EXOC6: variants seen among roughly 807,000 people sequenced by gnomAD.
The protein encoded by EXOC6 is exocyst complex component 6.
EXOC6 carries 60 observed loss-of-function variants against 112.5 expected under a neutral mutation model. The observed-to-expected ratio is 0.53, with a 90% CI of 0.43 to 0.66. The LOEUF (loss-of-function observed/expected upper bound fraction) is 0.66. Ranked by LOEUF, EXOC6 falls within the 30% of genes least tolerant of loss-of-function variation. EXOC6 has a pLI of 0.00. For missense variants in EXOC6, 855 were observed against 957.1 expected (o/e 0.89, Z 1.41); for synonymous variants, 295 against 308.0 (o/e 0.96, Z 0.44).
At chr10:92,959,182 C>T (rs1023101962) in intron 17 of EXOC6, among the ~76,000 whole-genome samples, 5 of 152,064 alleles carry the variant, frequency 3.3e-5, no homozygotes, top group African/African-American at 1.2e-4. Context: ...AGATTAAAGA[C>T]CCCAGAAATA....
At chr10:92,852,935 A>T (rs894784155) in intron 1 of EXOC6, among the ~76,000 whole-genome samples, 8 of 151,386 alleles carry the variant, frequency 5.3e-5, no homozygotes, top group African/African-American at 9.7e-5. Flanking sequence ...AAGACCATTT[A>T]AAAAAAAAGC....
chr10:92,891,947 G>A lies in EXOC6; in HGVS notation c.102-1402G>A, dbSNP rs184915840. On this transcript the variant is annotated intron_variant, in intron 1 of 21. Coordinates refer to ENST00000260762, the MANE Select transcript of EXOC6 (RefSeq NM_019053.6). ...CAAAACATGTAAATTACAATACAAA[G>A]TAATATATGATTACGTGTCAGAATA... 3.9e-5 allele frequency among the ~76,000 whole-genome samples: 6 copies of A among 152,228 alleles called. No homozygotes were observed. The East Asian group carries it at 1.2e-3, about 29-fold the overall frequency.
chr10:93,017,760 C>G (rs1305840426), intron 20 of EXOC6, among the ~76,000 whole-genome samples: 2 of 151,888 alleles, frequency 1.3e-5, no homozygotes, highest in African/African-American at 4.8e-5. Flanking sequence ...GCCTGTAATC[C>G]CAGCACTTTG....
intron 20 of EXOC6, among the ~76,000 whole-genome samples, chr10:93,050,670 G>A (rs1846236022): frequency 6.8e-6 from 1 of 146,942 alleles, no homozygotes; most frequent in Non-Finnish European, 1.5e-5. Flanking sequence ...TGAGGCAGGA[G>A]AACTGCTTGA....
At chr10:92,839,675 G>A (rs985697396) in intron 1 of EXOC6, among the ~76,000 whole-genome samples, 2 of 152,184 alleles carry the variant, frequency 1.3e-5, no homozygotes, top group Non-Finnish European at 2.9e-5. Flanking sequence ...TTGGGGTCCT[G>A]CAGGTGTGTT....
chr10:93,010,700 T>TAAA lies in EXOC6; in HGVS notation c.2096-3477_2096-3475dup, dbSNP rs538429286. Among the ~76,000 whole-genome samples the TAAA allele has an allele frequency of 1.2e-3, 155 of 131,694 alleles. 3 individuals are homozygous for TAAA. Among genetic ancestry groups the TAAA allele is most frequent in the East Asian group, 2.5e-3 (11 of 4,406 alleles). 86.4% of individuals were successfully genotyped at this position (131,694 alleles called of 152,430 possible). On this transcript the variant is annotated intron_variant, in intron 19 of 21. Transcript: ENST00000260762. ...GATGACAAAGCAAGACTCCATCTCTTAAAAAAAAAAAAAAAAAAATGGACT... is the reference window on the plus strand; with the variant it reads ...GATGACAAAGCAAGACTCCATCTCTTAAAAAAAAAAAAAAAAAAAAAATGGACT...
Position 92,928,327 on chromosome 10 carries a change from ATTT to A in EXOC6, c.889-10_889-8del, listed in dbSNP as rs756701608. The A allele has an allele frequency of 1.1e-5, 18 of 1,567,864 alleles. No individual in the cohort carries two copies. Among genetic ancestry groups the A allele is most frequent in the Non-Finnish European group, 1.5e-5 (17 of 1,140,950 alleles). On this transcript the variant is annotated splice_polypyrimidine_tract_variant and intron_variant, in intron 8 of 21. Coordinates refer to ENST00000260762, the MANE Select transcript of EXOC6 (RefSeq NM_019053.6). ...ATGTGTATTTTTCATTACTCTGCTG[ATTT>A]TATTTTAGGGTGACGAGGAAACATT...
chr10:92,982,205 G>GT (rs1288421617), intron 18 of EXOC6, among the ~76,000 whole-genome samples: 1 of 152,042 alleles, frequency 6.6e-6, no homozygotes, highest in Non-Finnish European at 1.5e-5. Context: ...GTAATTTGGG[G>GT]TATTTTTCAA....
intron 4 of EXOC6, among the ~76,000 whole-genome samples, chr10:92,898,194 G>A (rs1291619848): frequency 6.6e-6 from 1 of 151,798 alleles, no homozygotes; most frequent in Non-Finnish European, 1.5e-5. Flanking sequence ...TGAGGTGGGA[G>A]GATCATTTGA....
chr10:93,027,451 G>GGT (rs1845079996), intron 20 of EXOC6, among the ~76,000 whole-genome samples: 2 of 123,874 alleles, frequency 1.6e-5, no homozygotes. Context: ...ATTGGAAAAA[G>GGT]GTATCAACTA....
intron 1 of EXOC6, among the ~76,000 whole-genome samples, chr10:92,860,740 G>C (rs1472770309): frequency 6.6e-6 from 1 of 152,122 alleles, no homozygotes; most frequent in South Asian, 2.1e-4. Context: ...ATTTCACTAA[G>C]CATAATGTCC....
In EXOC6 at chr10:92,894,927, A is replaced by G; in HGVS notation, c.322-3A>G. The G allele has an allele frequency of 6.2e-7, 1 of 1,608,556 alleles. No homozygotes were observed. Among genetic ancestry groups the G allele is most frequent in the Non-Finnish European group, 8.5e-7 (1 of 1,175,124 alleles). ...AAAATATGAACATTCCTTCTTTTCT[A>G]AGGTGATAGTCCACACAGAAGATAT... On this transcript the variant is annotated splice_region_variant and splice_polypyrimidine_tract_variant and intron_variant, in intron 3 of 21. Coordinates refer to ENST00000260762, the MANE Select transcript of EXOC6 (RefSeq NM_019053.6).
At chr10:92,833,911 C>CT (rs1846577414), upstream of EXOC6, among the ~76,000 whole-genome samples, 1 of 151,912 alleles carries the variant, frequency 6.6e-6, no homozygotes, top group Non-Finnish European at 1.5e-5. Flanking sequence ...TTCATGCACT[C>CT]TTTCTTCCTC....
chr10:92,865,499 T>C (rs1298567862), intron 1 of EXOC6, among the ~76,000 whole-genome samples: 2 of 150,998 alleles, frequency 1.3e-5, no homozygotes, highest in African/African-American at 4.8e-5. Flanking sequence ...ATTGCGCCAC[T>C]GCACTCCAGC....
intron 20 of EXOC6, among the ~76,000 whole-genome samples, chr10:93,022,284 T>C (rs1317939953): frequency 1.3e-5 from 2 of 152,156 alleles, no homozygotes; most frequent in Non-Finnish European, 2.9e-5. Flanking sequence ...TTATGAAACA[T>C]GTAGAATTGT....
At chr10:92,860,619 C>T (rs1847868896) in intron 1 of EXOC6, among the ~76,000 whole-genome samples, 1 of 152,134 alleles carries the variant, frequency 6.6e-6, no homozygotes, top group East Asian at 1.9e-4. Flanking sequence ...ACTCCCATTC[C>T]CCAGTTTTCA....
chr10:92,858,888 C>G (rs912965305), intron 1 of EXOC6, among the ~76,000 whole-genome samples: 1 of 152,176 alleles, frequency 6.6e-6, no homozygotes. Flanking sequence ...GTCTCAGCCT[C>G]CCAAGTACCT....
chr10:92,915,702 C>G (rs1173998793), intron 6 of EXOC6, 56 bp from the exon 7 acceptor site: 7 of 1,323,816 alleles, frequency 5.3e-6, no homozygotes, highest in Admixed American at 3.0e-5. Flanking sequence ...TTTTTTGAAC[C>G]AATTTTGACC....
chr10:93,027,181 C>T (rs1411225822), intron 20 of EXOC6, among the ~76,000 whole-genome samples: 1 of 152,162 alleles, frequency 6.6e-6, no homozygotes, highest in Admixed American at 6.5e-5. Context: ...TAATCCAGAG[C>T]AAGGAGGGCC....
Sources: gnomAD v4.1 joint callset for allele counts (sites outside exome capture counted in the v4.1 genomes callset) on GRCh38, gnomAD v4.1.1 for gene constraint, MANE v1.5 for transcripts, NCBI Gene and HGNC (gene_info 2026-07-23, HGNC 2026-07-21) for gene names.